Variants in USP53 observed in about 807,000 individuals in gnomAD.
USP53 encodes the protein ubiquitin specific peptidase 53.
In USP53, 71 loss-of-function variants were observed where a neutral mutation model predicts 94.9. The observed-to-expected ratio is 0.75, with a 90% CI of 0.62 to 0.91. USP53 has a LOEUF of 0.91. Ranked by LOEUF, USP53 falls within the 40% of genes least tolerant of loss-of-function variation. USP53 has a pLI of 0.00. For missense variants in USP53, 1,173 were observed against 1,281.0 expected (o/e 0.92, Z 1.29); for synonymous variants, 375 against 422.7 (o/e 0.89, Z 1.39).
In USP53 at chr4:119,293,241, A is replaced by C. The variant is rs1345838220; in HGVS notation, c.*30A>C. On this transcript the variant is annotated 3_prime_UTR_variant, in exon 19 of 19. Transcript: ENST00000692078. ...AAAAAGGACTAGACCTGTGTTACAT[A>C]ATAATCTTGGTTCAAGCTGCCCTTC... 6.5e-7 allele frequency: 1 copy of C among 1,537,088 alleles called. No homozygotes were observed. The highest frequency in any genetic ancestry group is 8.7e-7 in the Non-Finnish European group (1 of 1,153,870).
intron 13 of USP53, 120 bp from the exon 14 acceptor site, chr4:119,268,148 T>C (rs12499598): frequency 0.29 from 290,544 of 989,234 alleles, 45,672 homozygotes; most frequent in East Asian, 0.35. Flanking sequence ...CAGTCCGGCC[T>C]GGGCGACAGA....
intron 7 of USP53, among the ~76,000 whole-genome samples, chr4:119,253,908 G>C (rs1026945397): frequency 6.6e-6 from 1 of 152,168 alleles, no homozygotes; most frequent in Non-Finnish European, 1.5e-5. Flanking sequence ...TGAAAGGCAG[G>C]CCTGGTGGTG....
chr4:119,280,183 T>G (rs1218423541), intron 17 of USP53, among the ~76,000 whole-genome samples: 3 of 152,174 alleles, frequency 2.0e-5, no homozygotes, highest in Non-Finnish European at 2.9e-5. Flanking sequence ...AAGATAGCAT[T>G]AGATTGCTTC....
chr4:119,254,041 T>C (rs575858155), intron 7 of USP53, among the ~76,000 whole-genome samples: 4 of 152,192 alleles, frequency 2.6e-5, no homozygotes, highest in Non-Finnish European at 5.9e-5. Flanking sequence ...TGTTGAATAT[T>C]GGCCCCCACT....
intron 5 of USP53, among the ~76,000 whole-genome samples, chr4:119,241,835 T>A (rs888779623): frequency 1.3e-5 from 2 of 152,172 alleles, no homozygotes; most frequent in Non-Finnish European, 2.9e-5. Flanking sequence ...CAGTTACATA[T>A]GTAGTGAGTT....
intron 5 of USP53, among the ~76,000 whole-genome samples, chr4:119,243,216 G>A (rs1275721302): frequency 2.6e-5 from 4 of 152,114 alleles, no homozygotes; most frequent in Non-Finnish European, 5.9e-5. Flanking sequence ...AATGAAATGG[G>A]ACCAGGAACA....
Position 119,267,420 on chromosome 4 carries a change from C to A in USP53, c.1073C>A (p.Thr358Asn). 1 of 1,614,138 alleles carries A rather than the reference C, an allele frequency of 6.2e-7. No individual in the cohort carries two copies. Among genetic ancestry groups the A allele is most frequent in the Non-Finnish European group, 8.5e-7 (1 of 1,180,016 alleles). The change falls in exon 13 of 19, where the codon ACT becomes AAT. Residue 358 changes from threonine to asparagine, a missense_variant. Thr to Asn is a moderately conservative substitution (Grantham distance 65). Coordinates refer to ENST00000692078, the MANE Select transcript of USP53 (RefSeq NM_001371395.1). ...YANPDGTAVS[T>N]EDALRQVISW... ...AACCCAGATGGCACAGCAGTTTCTA[C>A]TGAGGATGCACTCAGGCAGGTCATC...
intron 2 of USP53, among the ~76,000 whole-genome samples, chr4:119,217,137 C>T (rs1743885215): frequency 1.3e-5 from 2 of 152,100 alleles, no homozygotes; most frequent in Non-Finnish European, 2.9e-5. Context: ...ATTATAAGGT[C>T]ACTATCAGGG....
At chr4:119,225,602 C>T (rs942064659) in intron 3 of USP53, among the ~76,000 whole-genome samples, 7 of 152,044 alleles carry the variant, frequency 4.6e-5, no homozygotes, top group Non-Finnish European at 1.0e-4. Flanking sequence ...AAAAATTAGC[C>T]GGGCGTGGTG....
intron 6 of USP53, among the ~76,000 whole-genome samples, chr4:119,246,101 G>A (rs576705767): frequency 1.3e-5 from 2 of 152,338 alleles, no homozygotes; most frequent in East Asian, 3.9e-4. Flanking sequence ...GAGAGTGGTA[G>A]AAGGTGAGCT....
At chr4:119,268,722 A>G (rs1276293785) in intron 14 of USP53, among the ~76,000 whole-genome samples, 1 of 152,226 alleles carries the variant, frequency 6.6e-6, no homozygotes, top group Non-Finnish European at 1.5e-5. Context: ...ATCAGCTTGG[A>G]GCAGAAAAAC....
intron 7 of USP53, among the ~76,000 whole-genome samples, chr4:119,250,478 A>G (rs891326958): frequency 6.6e-6 from 1 of 152,262 alleles, no homozygotes; most frequent in Non-Finnish European, 1.5e-5. Context: ...TAAAATGTCA[A>G]TAATGGCACA....
chr4:119,255,631 T>G (rs1472972953), intron 7 of USP53, among the ~76,000 whole-genome samples: 2 of 152,170 alleles, frequency 1.3e-5, no homozygotes, highest in African/African-American at 2.4e-5. Flanking sequence ...CAGGAGTGTA[T>G]GGCTCCTCCA....
rs771897131 is a variant in USP53, at chr4:119,273,633, G to A, written c.2176G>A (p.Asp726Asn). The A allele has an allele frequency of 3.1e-6, 5 of 1,611,714 alleles. No homozygotes were observed. In the South Asian group the frequency reaches 5.5e-5, roughly 18 times the overall value. The change falls in exon 17 of 19, where the codon GAC becomes AAC. Residue 726 changes from aspartate (D) to asparagine (N), a missense_variant and splice_region_variant. Physicochemically the swap from Asp to Asn is conservative, Grantham distance 23 (BLOSUM62 1). Transcript: ENST00000692078. Reference sequence around the variant, plus strand: ...TTTAGTGTGTATTTTATTTTCTAGTGACCAGATTACGACAAGCAACCTAAA... The same window carrying A: ...TTTAGTGTGTATTTTATTTTCTAGTAACCAGATTACGACAAGCAACCTAAA... ...SGVKETVCFS[D>N]QITTSNLNKE...
chr4:119,274,499 G>A (rs1257584843), intron 17 of USP53, among the ~76,000 whole-genome samples: 4 of 151,952 alleles, frequency 2.6e-5, no homozygotes, highest in African/African-American at 9.7e-5. Context: ...GTCTATCATT[G>A]TTGGACATTG....
intron 16 of USP53, chr4:119,273,204 A>G (rs777659667): frequency 6.5e-5 from 10 of 152,986 alleles, no homozygotes; most frequent in Admixed American, 2.0e-4. Context: ...GGTCCCAGCT[A>G]CTTGGGAGGC....
At chr4:119,285,936 A>G (rs1361159615) in intron 17 of USP53, among the ~76,000 whole-genome samples, 1 of 151,936 alleles carries the variant, frequency 6.6e-6, no homozygotes, top group Non-Finnish European at 1.5e-5. Flanking sequence ...GTAGCAAAAT[A>G]GCAATATTTG....
chr4:119,282,333 A>G (rs1461936051), intron 17 of USP53, among the ~76,000 whole-genome samples: 1 of 152,032 alleles, frequency 6.6e-6, no homozygotes, highest in Non-Finnish European at 1.5e-5. Context: ...ATATATACCC[A>G]AAAGTGCAGT....
rs1421002229 is a variant in USP53 at position 119,294,335 on chromosome 4, G to A, written c.*1124G>A. On this transcript the variant is annotated 3_prime_UTR_variant, in exon 19 of 19. Coordinates refer to ENST00000692078, the MANE Select transcript of USP53 (RefSeq NM_001371395.1). The stretch of plus-strand genomic sequence containing the variant: ...AATTTTAATAAAATGTTTAATTAGA[G>A]CATCCTTCCCTTTTATTCTACTTTG... The A allele has an allele frequency of 6.6e-6, 1 of 152,034 alleles. No individual in the cohort carries two copies. The highest frequency in any genetic ancestry group is 2.4e-5 in the African/African-American group (1 of 41,424). The allele number at this position is 152,034 out of a possible 1,614,324, so 9.4% of individuals were successfully genotyped here.
Sources: allele counts gnomAD v4.1 joint callset (sites outside exome capture counted in the v4.1 genomes callset), GRCh38; gene constraint gnomAD v4.1.1; transcripts MANE v1.5; gene names NCBI Gene and HGNC (gene_info 2026-07-23, HGNC 2026-07-21).